The following IFT172 variants were observed in gnomAD, a reference collection of about 807,000 sequenced individuals.
IFT172 encodes the protein intraflagellar transport 172.
A neutral mutation model predicts 248.9 loss-of-function variants in IFT172; 164 were observed. The observed-to-expected ratio is 0.66, with a 90% CI of 0.58 to 0.75. IFT172 has a LOEUF of 0.75. Ranked by LOEUF, IFT172 falls within the 30% of genes least tolerant of loss-of-function variation. The pLI is 0.00. For synonymous variants in IFT172, 729 were observed against 791.6 expected (o/e 0.92, Z 1.33); for missense variants, 1,950 against 2,192.4 (o/e 0.89, Z 2.21).
chr2:27,489,582 A>G (rs369166902), intron 1 of IFT172, 33 bp downstream of exon 1: 51 of 1,577,354 alleles, frequency 3.2e-5, no homozygotes, highest in Admixed American at 5.0e-5. Context: ...AACATAAAGC[A>G]TAAGGGGGAG....
chr2:27,447,769 G>A, intron 41 of IFT172, 43 bp downstream of exon 41: 1 of 1,594,862 alleles, frequency 6.3e-7, no homozygotes, highest in Non-Finnish European at 8.6e-7. Flanking sequence ...TCAAAGAAGA[G>A]ATGAGGACAA....
intron 14 of IFT172, among the ~76,000 whole-genome samples, chr2:27,475,748 T>C (rs1304420602): frequency 6.6e-6 from 1 of 151,728 alleles, no homozygotes; most frequent in Non-Finnish European, 1.5e-5. Context: ...AGGTAGAGAA[T>C]TGAGATGGTT....
chr2:27,445,005 C>A lies in IFT172; in HGVS notation c.5160+9G>T. Reference sequence around the variant, plus strand: ...CTCTGCCTTCATTCTCCAAGTCCTCCTCTCTAACCTTGATGGCCATAAGGA... The same window carrying A: ...CTCTGCCTTCATTCTCCAAGTCCTCATCTCTAACCTTGATGGCCATAAGGA... On this transcript the variant is annotated intron_variant, in intron 47 of 47. Transcript: ENST00000260570. The surrounding 1 kb of genome is among the most constrained non-coding windows in gnomAD (Gnocchi z 4.4). The A allele has an allele frequency of 3.1e-6, 5 of 1,612,916 alleles. No individual in the cohort carries two copies. The highest frequency in any genetic ancestry group is 4.2e-6 in the Non-Finnish European group (5 of 1,179,652).
chr2:27,470,223 G>T (rs1332102610), intron 16 of IFT172, among the ~76,000 whole-genome samples: 1 of 151,536 alleles, frequency 6.6e-6, no homozygotes, highest in African/African-American at 2.4e-5. Flanking sequence ...CAGCCTGGGA[G>T]ATAGTGGGAG....
chr2:27,472,420 G>A, intron 14 of IFT172, 58 bp from the exon 15 acceptor site: 1 of 1,341,676 alleles, frequency 7.5e-7, no homozygotes, highest in Non-Finnish European at 1.0e-6. Flanking sequence ...ACATAGTATG[G>A]CCAACACACA....
chr2:27,485,771 C>T (rs1668727392), intron 1 of IFT172, among the ~76,000 whole-genome samples: 1 of 152,182 alleles, frequency 6.6e-6, no homozygotes, highest in South Asian at 2.1e-4. Flanking sequence ...CCTGCAACGG[C>T]CTCCTCGTTT....
chr2:27,458,339 G>C (rs1666343332), intron 26 of IFT172, 116 bp from the exon 27 acceptor site: 4 of 820,588 alleles, frequency 4.9e-6, no homozygotes, highest in Non-Finnish European at 6.2e-6. Flanking sequence ...AGGAGTTTGG[G>C]TATTGCCACT....
rs1202747297 is a variant in IFT172, at chr2:27,445,317, C to T, written c.5047G>A (p.Ala1683Thr). 6.2e-7 allele frequency: 1 copy of T among 1,612,946 alleles called. No homozygotes were observed. The highest frequency in any genetic ancestry group is 8.5e-7 in the Non-Finnish European group (1 of 1,179,586). The change falls in exon 46 of 48, where the codon GCC (alanine) becomes ACC (threonine). Residue 1683 changes from alanine to threonine, a missense_variant. Around this residue, in one of 3 missense-constraint regions of IFT172, gnomAD observed 620 missense variants for 699.0 expected, o/e 0.89. Coordinates refer to ENST00000260570, the MANE Select transcript of IFT172 (RefSeq NM_015662.3). The surrounding 1 kb of genome is among the most constrained non-coding windows in gnomAD (Gnocchi z 4.4). The part of the protein sequence containing the change: ...SLVAASTGVR[A>T]LPCLITGYPI... ...ATACCTGTAATAAGGCAGGGCAGGG[C>T]TCGAACACCAGTGCTCGCTGCCACT...
chr2:27,483,447 T>C, intron 6 of IFT172, 71 bp from the exon 7 acceptor site: 1 of 1,405,770 alleles, frequency 7.1e-7, no homozygotes. Flanking sequence ...CCTTTCTCTG[T>C]CAAACACAAC....
intron 7 of IFT172, among the ~76,000 whole-genome samples, chr2:27,482,897 T>C (rs1214407789): frequency 6.6e-6 from 1 of 151,968 alleles, no homozygotes; most frequent in Non-Finnish European, 1.5e-5. Flanking sequence ...TGTCCCTGAG[T>C]TCTCCTCTAG....
In IFT172 at chr2:27,449,313, A is replaced by G. The variant is rs1665441866; in HGVS notation, c.4292T>C (p.Ile1431Thr). 1 of 1,614,168 alleles carries G rather than the reference A, an allele frequency of 6.2e-7. No homozygotes were observed. Among genetic ancestry groups the G allele is most frequent in the Non-Finnish European group, 8.5e-7 (1 of 1,180,028 alleles). ...CAGTACCTGCTTGGTAGCTGTTTCAATGCACTTGTCCCACTGGCCCTGCTC... is the reference window on the plus strand; with the variant it reads ...CAGTACCTGCTTGGTAGCTGTTTCAGTGCACTTGTCCCACTGGCCCTGCTC... The part of the protein sequence containing the change: ...YVEQGQWDKC[I>T]ETATKQNYKI... Residue 1431 changes from isoleucine to threonine, a missense_variant, in exon 39 of 48, where the codon ATT becomes ACT. Ile to Thr is a moderately conservative substitution (Grantham distance 89). Around this residue, in one of 3 missense-constraint regions of IFT172, gnomAD observed 620 missense variants for 699.0 expected, o/e 0.89. Transcript: ENST00000260570.
chr2:27,472,184 G>T, intron 15 of IFT172, 66 bp downstream of exon 15: 1 of 1,090,572 alleles, frequency 9.2e-7, no homozygotes, highest in East Asian at 2.4e-5. Context: ...CTCAGTCCCT[G>T]GTGGCAGCTT....
At position 27,485,055 on chromosome 2, in the gene IFT172, C is replaced by T. The variant is rs771712132; in HGVS notation, c.259G>A (p.Asp87Asn). 1.9e-6 allele frequency: 3 copies of T among 1,605,662 alleles called. No homozygotes were observed. Among genetic ancestry groups the T allele is most frequent in the African/African-American group, 2.7e-5 (2 of 74,610 alleles). The change falls in exon 3 of 48, where the codon GAC becomes AAC. Residue 87 changes from aspartate (D) to asparagine (N), a missense_variant. Asp to Asn is a conservative substitution (Grantham distance 23). Transcript: ENST00000260570. ...ATCTTGTAGACATAGATGATGTTGT[C>T]AGTCTGTCCTATGGCAATTTTAGTG... is the stretch of plus-strand genomic sequence containing the variant. ...DSTKIAIGQT[D>N]NIIYVYKIGE...
rs996211337 is a variant in IFT172, at chr2:27,483,538, T to C, written c.482+42A>G. On this transcript the variant is annotated intron_variant, in intron 6 of 47. Transcript: ENST00000260570. ...TCCAGACTTCCCCACAGCATTTTCC[T>C]AACACTTCCAGACTCTAGTGATACT... 5 of 1,600,938 alleles carry C rather than the reference T, an allele frequency of 3.1e-6. No homozygotes were observed. In the Admixed American group the frequency reaches 5.0e-5, roughly 16 times the overall value.
In IFT172 at chr2:27,447,860, G is replaced by C. The variant is rs774451726; in HGVS notation, c.4491C>G (p.Ala1497=). 1.2e-6 allele frequency: 2 copies of C among 1,613,792 alleles called. No individual in the cohort carries two copies. The highest frequency in any genetic ancestry group is 2.7e-5 in the African/African-American group (2 of 74,886). ...DMVSSPGTNC[A]EAYHSWADLR... ...GATCAGCCCAGCTATGATAGGCCTCGGCACAGTTGGTTCCAGGAGAGCTCA... is the reference window on the plus strand; with the variant it reads ...GATCAGCCCAGCTATGATAGGCCTCCGCACAGTTGGTTCCAGGAGAGCTCA... Residue 1497 remains alanine, a synonymous_variant, in exon 41 of 48, where the codon GCC becomes GCG. Coordinates refer to ENST00000260570, the MANE Select transcript of IFT172 (RefSeq NM_015662.3).
At chr2:27,473,590 G>A (rs1667748307) in intron 14 of IFT172, among the ~76,000 whole-genome samples, 1 of 151,282 alleles carries the variant, frequency 6.6e-6, no homozygotes, top group Non-Finnish European at 1.5e-5. Flanking sequence ...GATTACAGGC[G>A]TGAGCCACTG....
At position 27,448,987 on chromosome 2, in the gene IFT172, G is replaced by A; in HGVS notation, c.4356C>T (p.His1452=). The A allele has an allele frequency of 1.2e-6, 2 of 1,612,062 alleles. No individual in the cohort carries two copies. The highest frequency in any genetic ancestry group is 2.2e-5 in the South Asian group (2 of 91,034). ...LHKYVALYAT[H]LIREGSSAQA... is the part of the protein sequence containing the mutation. ...GGGCAGAGCTACCCTCCCGGATCAA[G>A]TGAGTTGCATACAAAGCCACATACT... Residue 1452 remains histidine, a synonymous_variant, in exon 40 of 48, where the codon CAC becomes CAT. Coordinates refer to ENST00000260570, the MANE Select transcript of IFT172 (RefSeq NM_015662.3).
chr2:27,449,425 GA>G, intron 38 of IFT172, 45 bp from the exon 39 acceptor site: 1 of 1,613,976 alleles, frequency 6.2e-7, no homozygotes, highest in Admixed American at 1.7e-5. Flanking sequence ...GAGATGACAT[GA>G]GGGAAAGAAG....
rs1160259731 is a variant in IFT172, at chr2:27,481,416, C to T, written c.571-156G>A. Among the ~76,000 whole-genome samples, 6 of 150,164 alleles carry T rather than the reference C, an allele frequency of 4.0e-5. No homozygotes were observed. The Admixed American group carries it at 4.0e-4, about 10-fold the overall frequency. On this transcript the variant is annotated intron_variant, in intron 7 of 47. Transcript: ENST00000260570. ...CAACACATCCTAATCCTGAACTCTT[C>T]ACAAATTGTCACACACACACACACA...
Sources: gnomAD v4.1 joint callset for allele counts (sites outside exome capture counted in the v4.1 genomes callset) on GRCh38, gnomAD v4.1.1 for gene constraint, gnomAD v4.1.1 regional missense constraint, Gnocchi (gnomAD v3.1) non-coding constraint, MANE v1.5 for transcripts, NCBI Gene and HGNC (gene_info 2026-07-23, HGNC 2026-07-21) for gene names.